TTLL4: variants seen among roughly 807,000 people sequenced by gnomAD.
TTLL4 encodes tubulin monoglutamylase TTLL4.
TTLL4 carries 85 observed loss-of-function variants against 122.7 expected under a neutral mutation model. The ratio of observed to expected loss-of-function variants is 0.69; its 90% CI spans 0.58 to 0.83. The LOEUF is 0.83. Ranked by LOEUF, TTLL4 falls within the 40% of genes least tolerant of loss-of-function variation. TTLL4 has a pLI of 0.00. For missense variants in TTLL4, 1,363 were observed against 1,488.6 expected, an observed-to-expected ratio of 0.92 and a Z score of 1.39; for synonymous variants, 553 against 563.0, an observed-to-expected ratio of 0.98 and a Z score of 0.25.
downstream of TTLL4, among the ~76,000 whole-genome samples, chr2:218,758,654 C>T (rs1301550664): frequency 6.6e-6 from 1 of 152,224 alleles, no homozygotes; most frequent in African/African-American, 2.4e-5. Context: ...CAAGATACCA[C>T]TTAACACTAA....
chr2:218,753,723 TCTTC>T, intron 19 of TTLL4, 54 bp downstream of exon 19: 1 of 1,582,044 alleles, frequency 6.3e-7, no homozygotes, highest in Non-Finnish European at 8.7e-7. Context: ...TGTAGAGTTT[TCTTC>T]CTTCCCCTCT....
intron 1 of TTLL4, among the ~76,000 whole-genome samples, chr2:218,723,918 C>G (rs1942114317): frequency 6.6e-6 from 1 of 152,044 alleles, no homozygotes; most frequent in Non-Finnish European, 1.5e-5. Flanking sequence ...TGGATAAGAT[C>G]TGTGTATTAG....
At chr2:218,750,586 T>C (rs1394854235) in intron 15 of TTLL4, among the ~76,000 whole-genome samples, 1 of 152,090 alleles carries the variant, frequency 6.6e-6, no homozygotes, top group Non-Finnish European at 1.5e-5. Context: ...CCCAGCTTCC[T>C]TTTTCTTGGT....
chr2:218,749,445 A>T, intron 14 of TTLL4, 58 bp downstream of exon 14: 1 of 1,572,598 alleles, frequency 6.4e-7, no homozygotes, highest in South Asian at 1.2e-5. Flanking sequence ...TCACGCTCCC[A>T]TTGCCACTCC....
chr2:218,735,391 C>T (rs1372744938), intron 2 of TTLL4, among the ~76,000 whole-genome samples: 1 of 151,892 alleles, frequency 6.6e-6, no homozygotes, highest in East Asian at 1.9e-4. Flanking sequence ...TGAGATACCG[C>T]CACTCCCTAT....
intron 6 of TTLL4, 48 bp downstream of exon 6, chr2:218,745,281 G>T (rs1201643779): frequency 6.2e-7 from 1 of 1,610,712 alleles, no homozygotes; most frequent in Admixed American, 1.7e-5. Context: ...CGGGGAGAAG[G>T]TTGCTAGCTA....
At chr2:218,753,269 A>G (rs1021290894) in intron 18 of TTLL4, 84 bp downstream of exon 18, 1 of 1,432,986 alleles carries the variant, frequency 7.0e-7, no homozygotes, top group Non-Finnish European at 9.8e-7. Context: ...TTGGGTTGGT[A>G]TGTATAGGCC....
chr2:218,717,778 A>C (rs1941908201), intron 1 of TTLL4, among the ~76,000 whole-genome samples: 1 of 151,096 alleles, frequency 6.6e-6, no homozygotes, highest in Admixed American at 6.6e-5. Flanking sequence ...ATTTGGTTCC[A>C]GGCAAGTCAG....
chr2:218,758,772 A>C (rs1470894002), downstream of TTLL4, among the ~76,000 whole-genome samples: 1 of 152,236 alleles, frequency 6.6e-6, no homozygotes, highest in Non-Finnish European at 1.5e-5. Context: ...GCAGCTTGGT[A>C]GATTCTTACA....
chr2:218,722,630 T>G (rs1307157464), intron 1 of TTLL4, among the ~76,000 whole-genome samples: 1 of 152,136 alleles, frequency 6.6e-6, no homozygotes, highest in Non-Finnish European at 1.5e-5. Flanking sequence ...CTGGATAAGG[T>G]CAGAGAGTCA....
At chr2:218,751,610 G>A in intron 15 of TTLL4, 94 bp from the exon 16 acceptor site, 1 of 1,484,496 alleles carries the variant, frequency 6.7e-7, no homozygotes, top group Non-Finnish European at 9.0e-7. Context: ...CTTCTCTCAA[G>A]AAGGGTGTCT....
intron 1 of TTLL4, among the ~76,000 whole-genome samples, chr2:218,717,446 C>G (rs1471548472): frequency 1.3e-5 from 2 of 152,120 alleles, no homozygotes; most frequent in African/African-American, 4.8e-5. Flanking sequence ...TGAGTCACCC[C>G]ATTACATAAA....
intron 3 of TTLL4, 70 bp from the exon 4 acceptor site, chr2:218,739,976 GGGAGATGATGAA>G: frequency 7.8e-7 from 1 of 1,283,042 alleles, no homozygotes; most frequent in Non-Finnish European, 1.1e-6. Flanking sequence ...GGCAAATACT[GGGAGATGATGAA>G]GGAATGAGAA....
intron 1 of TTLL4, among the ~76,000 whole-genome samples, chr2:218,722,042 G>A (rs1942057787): frequency 6.6e-6 from 1 of 152,154 alleles, no homozygotes; most frequent in South Asian, 2.1e-4. Flanking sequence ...AGCACTTTGG[G>A]AAGCTGAGGT....
At chr2:218,727,611 C>T (rs1942233168) in intron 2 of TTLL4, among the ~76,000 whole-genome samples, 1 of 152,078 alleles carries the variant, frequency 6.6e-6, no homozygotes, top group Admixed American at 6.6e-5. Context: ...TGGCGGGCGC[C>T]TGTAGTCCCA....
At chr2:218,737,393 G>T (rs1051732960) in intron 2 of TTLL4, among the ~76,000 whole-genome samples, 186 bp from the exon 3 acceptor site, 2 of 152,290 alleles carry the variant, frequency 1.3e-5, no homozygotes, top group Middle Eastern at 3.4e-3. Context: ...TCCTATGAGG[G>T]CAGTAGGAAG....
At chr2:218,753,373 C>A (rs1040436544) in intron 18 of TTLL4, 188 bp downstream of exon 18, 2 of 846,702 alleles carry the variant, frequency 2.4e-6, no homozygotes, top group South Asian at 1.6e-5. Flanking sequence ...ACCTTTCTTT[C>A]AAGGATCAAA....
In TTLL4 at chr2:218,748,946, T is replaced by C; in HGVS notation, c.2600+12T>C. 9.3e-6 allele frequency: 15 copies of C among 1,613,500 alleles called. No homozygotes were observed. Among genetic ancestry groups the C allele is most frequent in the Non-Finnish European group, 1.3e-5 (15 of 1,179,516 alleles). On this transcript the variant is annotated intron_variant, in intron 13 of 19. Transcript: ENST00000392102. Reference sequence around the variant, plus strand: ...AAAACTATCATCTCGTGAGTCACATTGCCAACCTGGATGTGGGGCCTGCTG... The same window carrying C: ...AAAACTATCATCTCGTGAGTCACATCGCCAACCTGGATGTGGGGCCTGCTG...
chr2:218,747,192 C>G lies in TTLL4; in HGVS notation c.2164C>G (p.Pro722Ala). 1 of 1,614,180 alleles carries G rather than the reference C, an allele frequency of 6.2e-7. No homozygotes were observed. The highest frequency in any genetic ancestry group is 8.5e-7 in the Non-Finnish European group (1 of 1,180,026). ...CAGCCGCCAAAAGTGGATTGTGAAG[C>G]CAGTGAGTGAATCACAGTGGGCAGG... ...SSSRQKWIVKPPASARGIGIQ... is the reference protein window; with the variant it reads ...SSSRQKWIVKAPASARGIGIQ... The change falls in exon 9 of 20, where the codon CCA (proline) becomes GCA (alanine). Residue 722 changes from proline to alanine, a missense_variant and splice_region_variant. Transcript: ENST00000392102. The surrounding 1 kb of genome is among the most constrained non-coding windows in gnomAD (Gnocchi z 4.7).
Sources: allele counts gnomAD v4.1 joint callset (sites outside exome capture counted in the v4.1 genomes callset), GRCh38; gene constraint gnomAD v4.1.1; non-coding constraint Gnocchi (gnomAD v3.1); transcripts MANE v1.5; gene names NCBI Gene and HGNC (gene_info 2026-07-23, HGNC 2026-07-21).